The following STX12 variants were observed in gnomAD, a reference collection of about 807,000 sequenced individuals.
The protein encoded by STX12 is syntaxin 12.
A neutral mutation model predicts 42.2 loss-of-function variants in STX12; 17 were observed. That is an observed-to-expected ratio of 0.40 (90% CI 0.28 to 0.60). STX12 has a LOEUF of 0.60. Ranked by LOEUF, STX12 falls within the 20% of genes least tolerant of loss-of-function variation. The pLI, the probability that STX12 is intolerant of heterozygous loss-of-function variation, is 0.39. For missense variants in STX12, 297 were observed against 330.9 expected (o/e 0.90, Z 0.79); for synonymous variants, 108 against 116.7 (o/e 0.93, Z 0.48).
At chr1:27,804,041 A>G (rs2088843893) in intron 4 of STX12, among the ~76,000 whole-genome samples, 2 of 152,106 alleles carry the variant, frequency 1.3e-5, no homozygotes, top group African/African-American at 4.8e-5. Flanking sequence ...CAGAATTCCC[A>G]TGAATCAATA....
intron 1 of STX12, among the ~76,000 whole-genome samples, chr1:27,778,264 GATTATCAGTAT>G (rs1218537415): frequency 6.6e-6 from 1 of 152,176 alleles, no homozygotes; most frequent in African/African-American, 2.4e-5. Flanking sequence ...TACAAGTGGT[GATTATCAGTAT>G]GTGTTGGGTA....
intron 1 of STX12, among the ~76,000 whole-genome samples, chr1:27,778,113 T>C (rs1278826096): frequency 6.6e-6 from 1 of 152,114 alleles, no homozygotes; most frequent in African/African-American, 2.4e-5. Flanking sequence ...TTGTACCCAT[T>C]AAAAGTCTGA....
At chr1:27,806,279 T>G (rs988198356) in intron 4 of STX12, among the ~76,000 whole-genome samples, 2 of 152,322 alleles carry the variant, frequency 1.3e-5, no homozygotes, top group South Asian at 4.1e-4. Flanking sequence ...CAACAAGTTG[T>G]CTGCCAAATA....
At chr1:27,780,618 G>A (rs560112719) in intron 1 of STX12, among the ~76,000 whole-genome samples, 274 of 152,180 alleles carry the variant, frequency 1.8e-3, no homozygotes, top group African/African-American at 6.1e-3. Context: ...TTTCCCTGCC[G>A]TGTGTAACCC....
At chr1:27,773,571 G>T (rs1287232906) in intron 1 of STX12, 146 bp downstream of exon 1, 5 of 688,410 alleles carry the variant, frequency 7.3e-6, no homozygotes, top group Non-Finnish European at 1.2e-5. Flanking sequence ...GCGGTGGGCT[G>T]CCATCCCCCA....
intron 3 of STX12, among the ~76,000 whole-genome samples, chr1:27,800,872 T>C (rs2088823424): frequency 6.6e-6 from 1 of 152,140 alleles, no homozygotes; most frequent in Admixed American, 6.6e-5. Context: ...AGGTAGTCTG[T>C]AGATAAATGA....
intron 6 of STX12, among the ~76,000 whole-genome samples, chr1:27,816,199 AG>A (rs955501870): frequency 2.6e-5 from 4 of 152,246 alleles, no homozygotes; most frequent in African/African-American, 9.6e-5. Flanking sequence ...CTGTAATCCC[AG>A]GTACCTGGGA....
At chr1:27,776,552 A>G (rs948440643) in intron 1 of STX12, among the ~76,000 whole-genome samples, 2 of 151,726 alleles carry the variant, frequency 1.3e-5, no homozygotes, top group African/African-American at 4.8e-5. Context: ...CATCTCTACA[A>G]AAAAAAAGTT....
chr1:27,779,937 G>A (rs1374440506), intron 1 of STX12, among the ~76,000 whole-genome samples: 1 of 151,684 alleles, frequency 6.6e-6, no homozygotes, highest in Non-Finnish European at 1.5e-5. Context: ...GATTACAGGC[G>A]TGTACCACCA....
chr1:27,815,902 G>A lies in STX12; in HGVS notation c.577-1949G>A, dbSNP rs116072314. 2.0e-3 allele frequency among the ~76,000 whole-genome samples: 298 copies of A among 152,286 alleles called. 1 individual carries two copies. Among genetic ancestry groups the A allele is most frequent in the African/African-American group, 6.4e-3 (267 of 41,562 alleles). ...AGAAAAACTCAAATATAGGCCAGAC[G>A]TGGTGGTTCACACCTGTAATCCCAG... On this transcript the variant is annotated intron_variant, in intron 6 of 8. Coordinates refer to ENST00000373943, the MANE Select transcript of STX12 (RefSeq NM_177424.3).
intron 6 of STX12, among the ~76,000 whole-genome samples, chr1:27,815,848 A>G (rs2088937487): frequency 6.6e-6 from 1 of 152,178 alleles, no homozygotes; most frequent in African/African-American, 2.4e-5. Flanking sequence ...ACAGGTTTCC[A>G]TTGTCTTTCT....
chr1:27,778,443 C>A (rs575781537), intron 1 of STX12, among the ~76,000 whole-genome samples: 1 of 152,240 alleles, frequency 6.6e-6, no homozygotes, highest in Non-Finnish European at 1.5e-5. Context: ...GTAATCCCAG[C>A]ACTTTGGGAG....
chr1:27,813,476 A>C (rs1298658874), intron 6 of STX12, among the ~76,000 whole-genome samples: 3 of 152,186 alleles, frequency 2.0e-5, no homozygotes, highest in Non-Finnish European at 4.4e-5. Flanking sequence ...GTGCCCAGCT[A>C]AAATATCCTT....
chr1:27,810,897 A>C (rs1308478639), intron 5 of STX12, among the ~76,000 whole-genome samples: 1 of 152,140 alleles, frequency 6.6e-6, no homozygotes, highest in Non-Finnish European at 1.5e-5. Flanking sequence ...CACGAAGAGG[A>C]CGTTATTTAA....
intron 1 of STX12, among the ~76,000 whole-genome samples, chr1:27,782,664 CCT>C (rs1302194408): frequency 6.6e-6 from 1 of 151,996 alleles, no homozygotes; most frequent in Non-Finnish European, 1.5e-5. Context: ...ATGGTGAAAC[CCT>C]GTTTACTAAA....
intron 4 of STX12, among the ~76,000 whole-genome samples, chr1:27,808,162 G>C (rs929237931): frequency 6.6e-6 from 1 of 151,656 alleles, no homozygotes; most frequent in African/African-American, 2.4e-5. Flanking sequence ...AAAGTAAAAA[G>C]AAAAAAACAA....
rs984243582 is a variant in STX12 at position 27,779,861 on chromosome 1, G to A, written c.118+6436G>A. On this transcript the variant is annotated intron_variant, in intron 1 of 8. Coordinates refer to ENST00000373943, the MANE Select transcript of STX12 (RefSeq NM_177424.3). ...GGCTGCAATGCAGTGGTGCGATCTC[G>A]GCTCACCACAACCTCTGCCTCCCAG... Among the ~76,000 whole-genome samples the A allele has an allele frequency of 2.0e-5, 3 of 151,378 alleles. No individual in the cohort carries two copies. In the South Asian group the frequency reaches 6.3e-4, roughly 32 times the overall value.
intron 8 of STX12, among the ~76,000 whole-genome samples, chr1:27,820,738 G>A (rs555513804): frequency 3.7e-4 from 56 of 151,892 alleles, no homozygotes; most frequent in East Asian, 5.8e-4. Context: ...TGTTTATTGC[G>A]GCATTATTCA....
At chr1:27,783,700 C>T (rs2088682648) in intron 1 of STX12, among the ~76,000 whole-genome samples, 2 of 152,230 alleles carry the variant, frequency 1.3e-5, no homozygotes, top group Middle Eastern at 3.4e-3. Context: ...TTACCTTTGG[C>T]CTAGTCATCT....
Sources: gnomAD v4.1 joint callset for allele counts (sites outside exome capture counted in the v4.1 genomes callset) on GRCh38, gnomAD v4.1.1 for gene constraint, MANE v1.5 for transcripts, NCBI Gene and HGNC (gene_info 2026-07-23, HGNC 2026-07-21) for gene names.